Variants in ROBO1 observed in about 807,000 individuals in gnomAD.
ROBO1 encodes roundabout guidance receptor 1.
A neutral mutation model predicts 195.9 loss-of-function variants in ROBO1; 149 were observed. The ratio of observed to expected loss-of-function variants is 0.76; its 90% confidence interval spans 0.67 to 0.87. ROBO1 has a LOEUF of 0.87. ROBO1 is among the 40% of genes least tolerant of loss of function. ROBO1 has a pLI of 0.00. For missense variants in ROBO1, 1,933 were observed against 2,068.3 expected, an observed-to-expected ratio of 0.93 and a Z score of 1.27; for synonymous variants, 816 against 733.2, an observed-to-expected ratio of 1.11 and a Z score of -1.82.
At chr3:78,817,888 A>G (rs2030308835) in intron 4 of ROBO1, among the ~76,000 whole-genome samples, 1 of 152,176 alleles carries the variant, frequency 6.6e-6, no homozygotes, top group Admixed American at 6.5e-5. Context: ...TCTCAGACTT[A>G]GGTGGAGGTG....
intron 10 of ROBO1, among the ~76,000 whole-genome samples, chr3:78,681,125 T>C (rs1191028049): frequency 6.6e-6 from 1 of 151,568 alleles, no homozygotes; most frequent in Non-Finnish European, 1.5e-5. Flanking sequence ...CAGGTGGGAA[T>C]TGAACAATGA....
At chr3:78,732,380 G>C (rs539124697) in intron 5 of ROBO1, among the ~76,000 whole-genome samples, 1 of 152,026 alleles carries the variant, frequency 6.6e-6, no homozygotes. Context: ...CCAACCTAAT[G>C]GCCATTAGTC....
intron 2 of ROBO1, among the ~76,000 whole-genome samples, chr3:79,445,388 T>A (rs563906777): frequency 1.3e-5 from 2 of 151,844 alleles, no homozygotes; most frequent in South Asian, 4.2e-4. Flanking sequence ...ATCAGGTTTA[T>A]CATTAGAATA....
chr3:78,921,045 T>C lies in ROBO1; in HGVS notation c.499+17556A>G, dbSNP rs934813340. 2.6e-5 allele frequency among the ~76,000 whole-genome samples: 4 copies of C among 152,106 alleles called. No individual in the cohort carries two copies. In the East Asian group the frequency reaches 7.7e-4, roughly 29 times the overall value. On this transcript the variant is annotated intron_variant, in intron 4 of 30. Transcript: ENST00000464233. ...AATCTCAAAGTAAGAATATTAGTAA[T>C]ACCTACTTCACTGAATTGTTCTGAG...
intron 4 of ROBO1, among the ~76,000 whole-genome samples, chr3:78,921,004 T>C (rs1314696565): frequency 6.6e-6 from 1 of 152,086 alleles, no homozygotes; most frequent in African/African-American, 2.4e-5. Context: ...TTAAACTACC[T>C]GAGCCTCGGT....
At chr3:79,660,307 T>C (rs1305889861) in intron 1 of ROBO1, among the ~76,000 whole-genome samples, 1 of 151,376 alleles carries the variant, frequency 6.6e-6, no homozygotes, top group East Asian at 2.0e-4. Context: ...GGCTATACAT[T>C]AGTGGGTGAG....
chr3:79,435,994 AC>A (rs1003409552), intron 2 of ROBO1, among the ~76,000 whole-genome samples: 4 of 152,154 alleles, frequency 2.6e-5, no homozygotes, highest in African/African-American at 7.2e-5. Context: ...AATCAGAGTC[AC>A]TCATGAGGAA....
intron 4 of ROBO1, among the ~76,000 whole-genome samples, chr3:78,928,717 G>T (rs969221241): frequency 6.6e-6 from 1 of 152,128 alleles, no homozygotes; most frequent in Non-Finnish European, 1.5e-5. Context: ...CTTTAAGCAA[G>T]AGTCAACGAG....
At chr3:79,054,475 C>G (rs1241458565) in intron 3 of ROBO1, among the ~76,000 whole-genome samples, 1 of 151,990 alleles carries the variant, frequency 6.6e-6, no homozygotes, top group Non-Finnish European at 1.5e-5. Flanking sequence ...CAAAATTTAC[C>G]TGATCACGAG....
intron 2 of ROBO1, among the ~76,000 whole-genome samples, chr3:79,504,143 A>C (rs893183580): frequency 7.9e-5 from 12 of 152,292 alleles, no homozygotes; most frequent in African/African-American, 2.9e-4. Flanking sequence ...TTTAGATGTA[A>C]TACTATATGT....
At chr3:79,255,935 A>C (rs1348576823) in intron 2 of ROBO1, among the ~76,000 whole-genome samples, 3 of 152,124 alleles carry the variant, frequency 2.0e-5, no homozygotes, top group Admixed American at 6.6e-5. Context: ...GGAATAAGAG[A>C]GGCAAGCAGT....
chr3:79,692,853 T>C lies in ROBO1; in HGVS notation c.-51+74899A>G, dbSNP rs140289887. Among the ~76,000 whole-genome samples, 163 of 152,040 alleles carry C rather than the reference T, an allele frequency of 1.1e-3. 1 individual carries two copies. Among genetic ancestry groups the C allele is most frequent in the Non-Finnish European group, 1.2e-4 (8 of 67,936 alleles). ...CAATTTTTTTCAGATTTTGGAATAT[T>C]TGCATATACATAATGAGTTATCTTG... On this transcript the variant is annotated intron_variant, in intron 1 of 30. Transcript: ENST00000464233.
At chr3:78,745,222 C>T (rs1003278997) in intron 5 of ROBO1, among the ~76,000 whole-genome samples, 19 of 150,580 alleles carry the variant, frequency 1.3e-4, no homozygotes, top group African/African-American at 4.7e-4. Context: ...GCAGGAGAAT[C>T]GCTTGAACCC....
rs536895668 is a variant in ROBO1 at position 79,669,759 on chromosome 3, C to A, written c.-50-79798G>T. 4.6e-5 allele frequency among the ~76,000 whole-genome samples: 7 copies of A among 151,916 alleles called. No individual in the cohort carries two copies. In the South Asian group the frequency reaches 1.2e-3, roughly 27 times the overall value. ...GGAGAAAAAAGGATAAAAGGGAGAT[C>A]AAAAATATCTTACTTGACTTAATGG... On this transcript the variant is annotated intron_variant, in intron 1 of 30. Transcript: ENST00000464233.
intron 2 of ROBO1, among the ~76,000 whole-genome samples, chr3:79,503,791 A>G (rs939906424): frequency 6.6e-6 from 1 of 152,156 alleles, no homozygotes; most frequent in African/African-American, 2.4e-5. Flanking sequence ...GACAATGGCT[A>G]TTGTCTGGAT....
intron 14 of ROBO1, among the ~76,000 whole-genome samples, chr3:78,662,942 G>A (rs189698108): frequency 2.6e-5 from 4 of 152,054 alleles, no homozygotes; most frequent in East Asian, 1.9e-4. Flanking sequence ...TTTCTGAAGC[G>A]GTTTTCTAAA....
chr3:79,678,792 G>T (rs1376546567), intron 1 of ROBO1, among the ~76,000 whole-genome samples: 3 of 151,860 alleles, frequency 2.0e-5, no homozygotes, highest in Non-Finnish European at 4.4e-5. Flanking sequence ...TTTTTGAGAG[G>T]GCCACTGCTT....
chr3:79,079,246 A>G (rs938636899), intron 3 of ROBO1, among the ~76,000 whole-genome samples: 1 of 151,850 alleles, frequency 6.6e-6, no homozygotes, highest in African/African-American at 2.4e-5. Context: ...TTTAAAAGGC[A>G]TCTATATATA....
At chr3:79,098,102 A>C (rs1320034833) in intron 3 of ROBO1, among the ~76,000 whole-genome samples, 1 of 151,804 alleles carries the variant, frequency 6.6e-6, no homozygotes, top group Non-Finnish European at 1.5e-5. Context: ...CCAAAAAAGA[A>C]TGCCTGTTCA....
Sources: allele counts gnomAD v4.1 joint callset (sites outside exome capture counted in the v4.1 genomes callset), GRCh38; gene constraint gnomAD v4.1.1; transcripts MANE v1.5; gene names NCBI Gene and HGNC (gene_info 2026-07-23, HGNC 2026-07-21).